Variants in FZD8 observed in about 807,000 individuals in gnomAD.
The protein encoded by FZD8 is frizzled class receptor 8.
FZD8 carries 18 observed loss-of-function variants against 46.0 expected under a neutral mutation model. The ratio of observed to expected loss-of-function variants is 0.39; its 90% CI spans 0.27 to 0.58. The LOEUF (loss-of-function observed/expected upper bound fraction) is 0.58, where lower values mean the gene tolerates loss of function less well. FZD8 is among the 20% of genes least tolerant of loss of function. FZD8 has a pLI of 0.55. For synonymous variants in FZD8, 586 were observed against 467.9 expected (o/e 1.25, Z -3.26); for missense variants, 785 against 983.4 (o/e 0.80, Z 2.70).
Position 35,640,581 on chromosome 10 carries a change from C to A in FZD8, c.849G>T (p.Leu283=). 1 of 1,587,660 alleles carries A rather than the reference C, an allele frequency of 6.3e-7. No individual in the cohort carries two copies. Among genetic ancestry groups the A allele is most frequent in the Non-Finnish European group, 8.6e-7 (1 of 1,165,030 alleles). ...TGGACACGAAGCAGAGCACCGACCA[C>A]AGGCCGATCCAGAAGACGGTGAAGG... ...ERAFTVFWIG[L]WSVLCFVSTF... Residue 283 remains leucine, a synonymous_variant, in exon 1 of 1, where the codon CTG becomes CTT. Transcript: ENST00000374694.
rs1451102529 is a variant in FZD8 at position 35,640,257 on chromosome 10, G to A, written c.1173C>T (p.Thr391=). 7 of 1,606,924 alleles carry A rather than the reference G, an allele frequency of 4.4e-6. No individual in the cohort carries two copies. Among genetic ancestry groups the A allele is most frequent in the East Asian group, 2.2e-5 (1 of 44,794 alleles). Reference sequence around the variant, plus strand: ...AGACCACGGTGCACAGCGCGGGGCCGGTGGTCTCGTAGCGCACGTGCTGCT... The same window carrying A: ...AGACCACGGTGCACAGCGCGGGGCCAGTGGTCTCGTAGCGCACGTGCTGCT... ...AVEQHVRYET[T]GPALCTVVFL... is the part of the protein sequence containing the mutation. The change falls in exon 1 of 1, where the codon ACC becomes ACT. Residue 391 remains threonine, a synonymous_variant. Transcript: ENST00000374694.
At position 35,640,722 on chromosome 10, in the gene FZD8, C is replaced by G. The variant is rs1252452244; in HGVS notation, c.708G>C (p.Ala236=). The G allele has an allele frequency of 7.0e-7, 1 of 1,426,444 alleles. No homozygotes were observed. The highest frequency in any genetic ancestry group is 1.4e-5 in the African/African-American group (1 of 69,194). 88.4% of individuals were successfully genotyped at this position (1,426,444 alleles called of 1,614,324 possible). Residue 236 remains alanine, a synonymous_variant, in exon 1 of 1, where the codon GCG becomes GCC. Transcript: ENST00000374694. The part of the protein sequence containing the change: ...APCEPGCQCR[A]PMVSVSSERH... ...GCTCGCTGGACACGCTCACCATAGG[C>G]GCGCGGCACTGGCACCCGGGCTCGC...
At position 35,640,707 on chromosome 10, in the gene FZD8, C is replaced by T. The variant is rs1384560016; in HGVS notation, c.723G>A (p.Val241=). The change falls in exon 1 of 1, where the codon GTG becomes GTA. Residue 241 remains valine, a synonymous_variant. Coordinates refer to ENST00000374694, the MANE Select transcript of FZD8 (RefSeq NM_031866.3). ...TGTAGAGCGGGTGGCGCTCGCTGGA[C>T]ACGCTCACCATAGGCGCGCGGCACT... is the stretch of plus-strand genomic sequence containing the variant. ...GCQCRAPMVS[V]SSERHPLYNR... 8 of 1,513,658 alleles carry T rather than the reference C, an allele frequency of 5.3e-6. No individual in the cohort carries two copies. The highest frequency in any genetic ancestry group is 3.6e-4 in the Middle Eastern group (2 of 5,622). The allele number at this position is 1,513,658 out of a possible 1,614,324, so 93.8% of individuals were successfully genotyped here.
Position 35,641,519 on chromosome 10 carries a change from A to T in FZD8, c.-90T>A. 6.8e-7 allele frequency: 1 copy of T among 1,463,268 alleles called. No homozygotes were observed. The allele number at this position is 1,463,268 out of a possible 1,614,324, so 90.6% of individuals were successfully genotyped here. A position where few individuals can be genotyped will look rare whatever the true frequency, so the allele number is the denominator to read the frequency against. ...GCCCACGAGAGAGCCGCAGACGGGT[A>T]CAGCGGGTGATCTGGGGTCTCCCTT... is the stretch of plus-strand genomic sequence containing the variant. On this transcript the variant is annotated 5_prime_UTR_variant, in exon 1 of 1. Transcript: ENST00000374694. The surrounding 1 kb of genome is among the most constrained non-coding windows in gnomAD (Gnocchi z 6.3).
rs1835811550 is a variant in FZD8, at chr10:35,639,320, C to T, written c.*25G>A. On this transcript the variant is annotated 3_prime_UTR_variant, in exon 1 of 1. Coordinates refer to ENST00000374694, the MANE Select transcript of FZD8 (RefSeq NM_031866.3). ...GCTCTCCTCGCCCCCCTCCCCACCC[C>T]TCCTGGGCGCCCCCTCCCCTCCGCT... 1 of 1,188,940 alleles carries T rather than the reference C, an allele frequency of 8.4e-7. No homozygotes were observed. The highest frequency in any genetic ancestry group is 1.1e-6 in the Non-Finnish European group (1 of 876,410). The allele number at this position is 1,188,940 out of a possible 1,614,324, so 73.6% of individuals were successfully genotyped here.
chr10:35,641,085 C>T lies in FZD8; in HGVS notation c.345G>A (p.Lys115=). 3 of 1,611,128 alleles carry T rather than the reference C, an allele frequency of 1.9e-6. No individual in the cohort carries two copies. The highest frequency in any genetic ancestry group is 2.5e-6 in the Non-Finnish European group (3 of 1,179,228). The change falls in exon 1 of 1, where the codon AAG becomes AAA. Residue 115 remains lysine, a synonymous_variant. Coordinates refer to ENST00000374694, the MANE Select transcript of FZD8 (RefSeq NM_031866.3). The surrounding 1 kb of genome is among the most constrained non-coding windows in gnomAD (Gnocchi z 6.3). Reference sequence around the variant, plus strand: ...GGCGCATGAGCGGCGCGCAGCCGGCCTTGGCGCGCTCGCACACCGAGCGGC... The same window carrying T: ...GGCGCATGAGCGGCGCGCAGCCGGCTTTGGCGCGCTCGCACACCGAGCGGC... ...PPCRSVCERA[K]AGCAPLMRQY...
rs1157436020 is a variant in FZD8, at chr10:35,641,482, G to A, written c.-53C>T. On this transcript the variant is annotated 5_prime_UTR_variant, in exon 1 of 1. Transcript: ENST00000374694. This position sits in a 1 kb window ranked among gnomAD's most constrained non-coding sequence, Gnocchi z 6.3. ...CCCTCCAGGCGGCGCGCAGAGGGGT[G>A]CCGGGGGGGGGGCCCACGAGAGAGC... is the stretch of plus-strand genomic sequence containing the variant. 2 of 1,376,106 alleles carry A rather than the reference G, an allele frequency of 1.5e-6. No homozygotes were observed. The allele number at this position is 1,376,106 out of a possible 1,614,324, so 85.2% of individuals were successfully genotyped here.
chr10:35,639,944 C>T lies in FZD8; in HGVS notation c.1486G>A (p.Gly496Ser). The T allele has an allele frequency of 6.2e-7, 1 of 1,612,906 alleles. No homozygotes were observed. The highest frequency in any genetic ancestry group is 8.5e-7 in the Non-Finnish European group (1 of 1,179,856). ...AAGCCGGCCAGCAGGAACATGGTGC[C>T]GATGAAGAGGTAGATGACCAGCGGC... Reference protein sequence around the residue: ...LAPLVIYLFIGTMFLLAGFVS... With the variant: ...LAPLVIYLFISTMFLLAGFVS... The change falls in exon 1 of 1, where the codon GGC becomes AGC. Residue 496 changes from glycine (G) to serine (S), a missense_variant. Gly to Ser is a moderately conservative substitution (Grantham distance 56). Coordinates refer to ENST00000374694, the MANE Select transcript of FZD8 (RefSeq NM_031866.3).
At position 35,640,279 on chromosome 10, in the gene FZD8, T is replaced by A; in HGVS notation, c.1151A>T (p.Gln384Leu). ...GCCGGTGGTCTCGTAGCGCACGTGCTGCTCCACCGCGCCCAGCTCCTCGTA... is the reference window on the plus strand; with the variant it reads ...GCCGGTGGTCTCGTAGCGCACGTGCAGCTCCACCGCGCCCAGCTCCTCGTA... Reference protein sequence around the residue: ...GEYEELGAVEQHVRYETTGPA... With the variant: ...GEYEELGAVELHVRYETTGPA... The change falls in exon 1 of 1, where the codon CAG (glutamine) becomes CTG (leucine). Residue 384 changes from glutamine (Q) to leucine (L), a missense_variant. By Grantham distance (113) the Gln-to-Leu change is moderately radical. This residue lies in a region of FZD8 where 88 missense variants were observed against 83.6 expected (regional missense o/e 1.05). Transcript: ENST00000374694. The A allele has an allele frequency of 6.3e-7, 1 of 1,596,856 alleles. No homozygotes were observed. Among genetic ancestry groups the A allele is most frequent in the Non-Finnish European group, 8.5e-7 (1 of 1,176,900 alleles).
rs771979637 is a variant in FZD8, at chr10:35,639,930, C to G, written c.1500G>C (p.Leu500=). 10 of 1,613,134 alleles carry G rather than the reference C, an allele frequency of 6.2e-6. No homozygotes were observed. The highest frequency in any genetic ancestry group is 5.9e-6 in the Non-Finnish European group (7 of 1,179,932). ...GGAAGAGGGACACGAAGCCGGCCAGCAGGAACATGGTGCCGATGAAGAGGT... is the reference window on the plus strand; with the variant it reads ...GGAAGAGGGACACGAAGCCGGCCAGGAGGAACATGGTGCCGATGAAGAGGT... ...VIYLFIGTMF[L]LAGFVSLFRI... is the part of the protein sequence containing the mutation. Residue 500 remains leucine, a synonymous_variant, in exon 1 of 1, where the codon CTG becomes CTC. Coordinates refer to ENST00000374694, the MANE Select transcript of FZD8 (RefSeq NM_031866.3).
rs369427372 is a variant in FZD8, at chr10:35,640,322, G to C, written c.1108C>G (p.Pro370Ala). 19 of 1,197,288 alleles carry C rather than the reference G, an allele frequency of 1.6e-5. No individual in the cohort carries two copies. In the East Asian group the frequency reaches 4.9e-4, roughly 31 times the overall value. The allele number at this position is 1,197,288 out of a possible 1,614,324, so 74.2% of individuals were successfully genotyped here. Reference protein sequence around the residue: ...AGAAGAGAGGPGGRGEYEELG... With the variant: ...AGAAGAGAGGAGGRGEYEELG... The stretch of plus-strand genomic sequence containing the variant: ...TCCTCGTACTCGCCGCGCCCGCCCG[G>C]GCCGCCCGCGCCCGCGCCCGCCGCG... Residue 370 changes from proline to alanine, a missense_variant, in exon 1 of 1, where the codon CCG becomes GCG. Pro to Ala is a conservative substitution (Grantham distance 27). Transcript: ENST00000374694.
chr10:35,641,716 C>A lies in FZD8; in HGVS notation c.-287G>T, dbSNP rs1392698876. On this transcript the variant is annotated 5_prime_UTR_variant, in exon 1 of 1. Coordinates refer to ENST00000374694, the MANE Select transcript of FZD8 (RefSeq NM_031866.3). The surrounding 1 kb of genome is among the most constrained non-coding windows in gnomAD (Gnocchi z 6.3). ...CAGTCCGTAGGTCCGCTCTGCTGGC[C>A]CCGGGTCGCGCTCAGCCCTCGCGGC... The A allele has an allele frequency of 3.2e-6, 1 of 308,146 alleles. No individual in the cohort carries two copies. Among genetic ancestry groups the A allele is most frequent in the African/African-American group, 2.2e-5 (1 of 45,618 alleles). 19.1% of individuals were successfully genotyped at this position (308,146 alleles called of 1,614,324 possible).
rs1263676238 is a variant in FZD8 at position 35,640,510 on chromosome 10, T to C, written c.920A>G (p.Lys307Arg). ...STFLIDMERF[K>R]YPERPIIFLS... is the part of the protein sequence containing the mutation. ...GAAGATAATGGGCCGCTCCGGGTAC[T>C]TGAAGCGCTCCATGTCGATAAGGAA... The change falls in exon 1 of 1, where the codon AAG becomes AGG. Residue 307 changes from lysine (K) to arginine (R), a missense_variant. Physicochemically the swap from Lys to Arg is conservative, Grantham distance 26. This residue lies in a region of FZD8 where 11 missense variants were observed against 43.3 expected (regional missense o/e 0.25). Transcript: ENST00000374694. The C allele has an allele frequency of 5.6e-5, 89 of 1,583,096 alleles. No individual in the cohort carries two copies. The highest frequency in any genetic ancestry group is 7.5e-5 in the Non-Finnish European group (87 of 1,162,506).
rs1564478083 is a variant in FZD8 at position 35,641,390 on chromosome 10, C to A, written c.40G>T (p.Ala14Ser). The A allele has an allele frequency of 6.2e-7, 1 of 1,612,306 alleles. No homozygotes were observed. The highest frequency in any genetic ancestry group is 8.5e-7 in the Non-Finnish European group (1 of 1,179,576). ...GYLLEVTSLL[A>S]ALALLQRSSG... is the part of the protein sequence containing the mutation. ...GAGCGCTGCAGCAGCGCCAAGGCGG[C>A]CAGCAGCGAGGTCACTTCCAACAGG... Residue 14 changes from alanine to serine, a missense_variant, in exon 1 of 1, where the codon GCC becomes TCC. Physicochemically the swap from Ala to Ser is moderately conservative, Grantham distance 99 (BLOSUM62 1). Around this residue, in one of 5 missense-constraint regions of FZD8, gnomAD observed 354 missense variants for 433.2 expected, o/e 0.82. Coordinates refer to ENST00000374694, the MANE Select transcript of FZD8 (RefSeq NM_031866.3). This position sits in a 1 kb window ranked among gnomAD's most constrained non-coding sequence, Gnocchi z 6.3.
At position 35,639,684 on chromosome 10, in the gene FZD8, G is replaced by A. The variant is rs1306843746; in HGVS notation, c.1746C>T (p.Asp582=). 6.3e-7 allele frequency: 1 copy of A among 1,599,372 alleles called. No individual in the cohort carries two copies. The highest frequency in any genetic ancestry group is 8.5e-7 in the Non-Finnish European group (1 of 1,179,698). The change falls in exon 1 of 1, where the codon GAC becomes GAT. Residue 582 remains aspartate (D), a synonymous_variant. Coordinates refer to ENST00000374694, the MANE Select transcript of FZD8 (RefSeq NM_031866.3). ...DLQPDQARRP[D]YAVFMLKYFM... Reference sequence around the variant, plus strand: ...AGTACTTGAGCATGAAGACGGCGTAGTCGGGCCTGCGTGCCTGGTCGGGCT... The same window carrying A: ...AGTACTTGAGCATGAAGACGGCGTAATCGGGCCTGCGTGCCTGGTCGGGCT...
chr10:35,641,631 G>C lies in FZD8; in HGVS notation c.-202C>G. On this transcript the variant is annotated 5_prime_UTR_variant, in exon 1 of 1. Transcript: ENST00000374694. The surrounding 1 kb of genome is among the most constrained non-coding windows in gnomAD (Gnocchi z 6.3). ...CGGCGCGGCCCGCAGCCTGGGCAGG[G>C]CCCTTCCGCACTCCTTTCCGCCGCT... 1 of 654,820 alleles carries C rather than the reference G, an allele frequency of 1.5e-6. No homozygotes were observed. Among genetic ancestry groups the C allele is most frequent in the Non-Finnish European group, 2.5e-6 (1 of 396,654 alleles). The allele number at this position is 654,820 out of a possible 1,614,324, so 40.6% of individuals were successfully genotyped here.
chr10:35,639,424 A>C lies in FZD8; in HGVS notation c.2006T>G (p.Val669Gly), dbSNP rs1359758188. ...GGGGGSLYSD[V>G]STGLTWRSGT... is the part of the protein sequence containing the mutation. ...CGACCGCCACGTCAGGCCAGTGCTG[A>C]CGTCGCTGTAGAGGGAGCCCCCGCC... The change falls in exon 1 of 1, where the codon GTC becomes GGC. Residue 669 changes from valine (V) to glycine (G), a missense_variant. By Grantham distance (109) the Val-to-Gly change is moderately radical. Transcript: ENST00000374694. The C allele has an allele frequency of 1.5e-6, 2 of 1,342,472 alleles. No homozygotes were observed. The highest frequency in any genetic ancestry group is 2.5e-5 in the Admixed American group (1 of 40,648). 83.2% of individuals were successfully genotyped at this position (1,342,472 alleles called of 1,614,324 possible).
rs781286579 is a variant in FZD8 at position 35,640,760 on chromosome 10, C to G, written c.670G>C (p.Gly224Arg). 2.7e-5 allele frequency: 34 copies of G among 1,279,410 alleles called. No homozygotes were observed. The Admixed American group carries it at 1.0e-3, about 38-fold the overall frequency. The allele number at this position is 1,279,410 out of a possible 1,614,324, so 79.3% of individuals were successfully genotyped here. A position where few individuals can be genotyped will look rare whatever the true frequency, so the allele number is the denominator to read the frequency against. ...CACCCGGGCTCGCAGGGAGCCGCGC[C>G]GCCGCCAGGGGGCCGCGCCTTCCCG... ...GGGKARPPGG[G>R]AAPCEPGCQC... Residue 224 changes from glycine (G) to arginine (R), a missense_variant, in exon 1 of 1, where the codon GGC becomes CGC. Physicochemically the swap from Gly to Arg is moderately radical, Grantham distance 125. Coordinates refer to ENST00000374694, the MANE Select transcript of FZD8 (RefSeq NM_031866.3).
At position 35,640,637 on chromosome 10, in the gene FZD8, G is replaced by C; in HGVS notation, c.793C>G (p.His265Asp). The C allele has an allele frequency of 6.3e-7, 1 of 1,582,852 alleles. No individual in the cohort carries two copies. Among genetic ancestry groups the C allele is most frequent in the Non-Finnish European group, 8.6e-7 (1 of 1,162,758 alleles). The part of the protein sequence containing the change: ...GQIANCALPC[H>D]NPFFSQDERA... ...TCGTCCTGGCTGAAAAAGGGGTTGT[G>C]GCAGGGCAGCGCGCAGTTAGCGATC... is the stretch of plus-strand genomic sequence containing the variant. Residue 265 changes from histidine to aspartate, a missense_variant, in exon 1 of 1, where the codon CAC becomes GAC. This residue lies in a region of FZD8 where 354 missense variants were observed against 433.2 expected (regional missense o/e 0.82). Transcript: ENST00000374694.
Sources: allele counts gnomAD v4.1 joint callset, GRCh38; gene constraint gnomAD v4.1.1; regional missense constraint gnomAD v4.1.1; non-coding constraint Gnocchi (gnomAD v3.1); transcripts MANE v1.5; gene names NCBI Gene and HGNC (gene_info 2026-07-23, HGNC 2026-07-21).